Variants in PCA3 observed in about 807,000 individuals in gnomAD.
The protein encoded by PCA3 is prostate cancer associated 3.
intron 2 of PCA3, among the ~76,000 whole-genome samples, chr9:76,775,093 C>T (rs145996722): frequency 1.6e-3 from 243 of 152,260 alleles, no homozygotes; most frequent in Non-Finnish European, 2.4e-3. Context: ...CTGTTACTTG[C>T]TAAGCTGAAC....
chr9:76,786,258 C>T (rs149090698), intron 2 of PCA3: 3 of 152,146 alleles, frequency 2.0e-5, no homozygotes, highest in Non-Finnish European at 2.9e-5. Flanking sequence ...ATAATGTTAT[C>T]TTTGAACTGA....
At chr9:76,772,099 T>C (rs1239976209) in intron 2 of PCA3, among the ~76,000 whole-genome samples, 1 of 152,162 alleles carries the variant, frequency 6.6e-6, no homozygotes, top group Non-Finnish European at 1.5e-5. Flanking sequence ...AACCAAGGTG[T>C]CAGCTGGGAA....
In PCA3 at chr9:76,774,791, A is replaced by T. The variant is rs116577679; in HGVS notation, n.853-33792A>T. 2.2e-3 allele frequency among the ~76,000 whole-genome samples: 329 copies of T among 152,294 alleles called. 3 individuals are homozygous for T. Among genetic ancestry groups the T allele is most frequent in the African/African-American group, 7.7e-3 (322 of 41,552 alleles). On this transcript the variant is annotated intron_variant and non_coding_transcript_variant, in intron 2 of 5. Transcript: ENST00000644657. Reference sequence around the variant, plus strand: ...TTAAACCAGAATAAAATAATGATTTAAAGAAAGTTAAATATGGAGGAAACA... The same window carrying T: ...TTAAACCAGAATAAAATAATGATTTTAAGAAAGTTAAATATGGAGGAAACA...
At chr9:76,769,764 T>G (rs991038114) in intron 2 of PCA3, among the ~76,000 whole-genome samples, 4 of 152,176 alleles carry the variant, frequency 2.6e-5, no homozygotes, top group Non-Finnish European at 4.4e-5. Flanking sequence ...TAGGAGAGCT[T>G]ATCAAAGTAG....
chr9:76,781,892 A>G (rs1240982289), intron 2 of PCA3, among the ~76,000 whole-genome samples: 2 of 152,198 alleles, frequency 1.3e-5, no homozygotes, highest in Non-Finnish European at 2.9e-5. Context: ...GAATACAGGT[A>G]GGCAAGGTAA....
intron 2 of PCA3, among the ~76,000 whole-genome samples, chr9:76,778,072 T>C (rs375097402): frequency 3.3e-4 from 50 of 152,308 alleles, no homozygotes; most frequent in Admixed American, 1.1e-3. Flanking sequence ...GGCTGCACAT[T>C]AGATTTATTC....
At chr9:76,787,085 A>G (rs1197035856) in intron 2 of PCA3, 2 of 152,178 alleles carry the variant, frequency 1.3e-5, no homozygotes, top group Non-Finnish European at 2.9e-5. Context: ...GAGAATTCCA[A>G]TTAGGAACTC....
At chr9:76,779,152 G>A (rs1432039667) in intron 2 of PCA3, among the ~76,000 whole-genome samples, 1 of 151,798 alleles carries the variant, frequency 6.6e-6, no homozygotes, top group Non-Finnish European at 1.5e-5. Flanking sequence ...TTCTGGATGG[G>A]CAATACTTAT....
chr9:76,780,870 G>A (rs972160343), intron 2 of PCA3, among the ~76,000 whole-genome samples: 1 of 152,122 alleles, frequency 6.6e-6, no homozygotes, highest in Non-Finnish European at 1.5e-5. Flanking sequence ...CCAGGACCAC[G>A]CAGGCTACGC....
intron 2 of PCA3, among the ~76,000 whole-genome samples, chr9:76,783,521 T>A (rs944464349): frequency 6.6e-6 from 1 of 152,194 alleles, no homozygotes; most frequent in African/African-American, 2.4e-5. Flanking sequence ...TTATGTAGAT[T>A]GCTTCATTTG....
At chr9:76,765,379 C>T (rs1170752485) in intron 2 of PCA3, among the ~76,000 whole-genome samples, 1 of 152,090 alleles carries the variant, frequency 6.6e-6, no homozygotes, top group Admixed American at 6.5e-5. Flanking sequence ...GGTAAATAGT[C>T]CTTATATTTG....
intron 2 of PCA3, among the ~76,000 whole-genome samples, chr9:76,772,993 C>T (rs1411036911): frequency 1.3e-5 from 2 of 152,158 alleles, no homozygotes; most frequent in Non-Finnish European, 2.9e-5. Context: ...TGTATGTTTC[C>T]TCCAAAACCT....
In PCA3 at chr9:76,768,897, G is replaced by A. The variant is rs868253214; in HGVS notation, n.852+32282G>A. 4.6e-5 allele frequency among the ~76,000 whole-genome samples: 7 copies of A among 152,000 alleles called. 1 individual carries two copies. The highest frequency in any genetic ancestry group is 1.0e-4 in the Non-Finnish European group (7 of 68,000). ...TTGCATAATTCCTACCACCAAAAACGCTGTACTTTATAAAAAATTTAAATT... is the reference window on the plus strand; with the variant it reads ...TTGCATAATTCCTACCACCAAAAACACTGTACTTTATAAAAAATTTAAATT... On this transcript the variant is annotated intron_variant and non_coding_transcript_variant, in intron 2 of 5. Transcript: ENST00000644657.
chr9:76,773,101 C>T (rs759837445), intron 2 of PCA3, among the ~76,000 whole-genome samples: 20 of 152,208 alleles, frequency 1.3e-4, no homozygotes, highest in Non-Finnish European at 2.9e-4. Flanking sequence ...ATCCTACCAG[C>T]TTCCCCTACT....
At chr9:76,767,977 C>A (rs549127823) in intron 2 of PCA3, among the ~76,000 whole-genome samples, 1 of 152,342 alleles carries the variant, frequency 6.6e-6, no homozygotes, top group African/African-American at 2.4e-5. Context: ...TCTCTCTGAT[C>A]TTCCCTGTTC....
intron 2 of PCA3, among the ~76,000 whole-genome samples, chr9:76,774,349 G>A (rs2053453514): frequency 6.6e-6 from 1 of 151,900 alleles, no homozygotes. Context: ...TGTTGCCCAG[G>A]CTGGTCTTGA....
intron 2 of PCA3, among the ~76,000 whole-genome samples, chr9:76,768,959 C>G (rs2052773412): frequency 6.6e-6 from 1 of 152,116 alleles, no homozygotes. Context: ...ACAAGTCAAA[C>G]AAAGATATAT....
intron 2 of PCA3, among the ~76,000 whole-genome samples, chr9:76,775,447 C>T (rs1443606230): frequency 6.6e-6 from 1 of 150,664 alleles, no homozygotes; most frequent in Non-Finnish European, 1.5e-5. Context: ...CAGGCATGCA[C>T]TACCATGCCC....
intron 2 of PCA3, chr9:76,779,073 TA>T (rs373959143): frequency 1.9e-4 from 29 of 152,248 alleles, no homozygotes; most frequent in African/African-American, 7.0e-4. Flanking sequence ...GATACTATGT[TA>T]TGTGATTAAA....
Sources: gnomAD v4.1 joint callset for allele counts (sites outside exome capture counted in the v4.1 genomes callset) on GRCh38, gnomAD v4.1.1 for gene constraint, MANE v1.5 for transcripts, NCBI Gene and HGNC (gene_info 2026-07-23, HGNC 2026-07-21) for gene names.